The following FSCN1 variants were observed in gnomAD, a reference collection of about 807,000 sequenced individuals.
The protein encoded by FSCN1 is fascin.
Under a neutral mutation model 39.7 loss-of-function variants are expected in FSCN1, and 10 were observed. The observed-to-expected ratio is 0.25, with a 90% confidence interval of 0.16 to 0.43. The LOEUF is 0.43. FSCN1 is among the 20% of genes least tolerant of loss of function. The pLI, the probability that FSCN1 is intolerant of heterozygous loss-of-function variation, is 1.00. For missense variants in FSCN1, 525 were observed against 723.8 expected (o/e 0.73, Z 3.15); for synonymous variants, 322 against 320.0 (o/e 1.01, Z -0.07).
At chr7:5,604,062 G>A in intron 4 of FSCN1, 32 bp downstream of exon 4, 1 of 1,604,080 alleles carries the variant, frequency 6.2e-7, no homozygotes. Flanking sequence ...TGCTGGGCAG[G>A]GAACCCCTCG....
chr7:5,604,935 C>A (rs1302910392), intron 4 of FSCN1, among the ~76,000 whole-genome samples: 1 of 151,850 alleles, frequency 6.6e-6, no homozygotes, highest in Non-Finnish European at 1.5e-5. Flanking sequence ...CCACACCCGG[C>A]TAATTGTTTT....
Position 5,592,910 on chromosome 7 carries a change from CGCA to C in FSCN1, c.-24_-22del. ...ACCCGCCACCCACCTCCCGGGGCCG[CGCA>C]GCGGCCTCTCGTCTACTGCCACCAT... On this transcript the variant is annotated 5_prime_UTR_variant, in exon 1 of 5. Coordinates refer to ENST00000382361, the MANE Select transcript of FSCN1 (RefSeq NM_003088.4). This position sits in a 1 kb window ranked among gnomAD's most constrained non-coding sequence, Gnocchi z 5.3. 1 of 1,405,934 alleles carries C rather than the reference CGCA, an allele frequency of 7.1e-7. No homozygotes were observed. Among genetic ancestry groups the C allele is most frequent in the Non-Finnish European group, 9.5e-7 (1 of 1,057,732 alleles). 87.1% of individuals were successfully genotyped at this position (1,405,934 alleles called of 1,614,324 possible).
chr7:5,597,204 C>T (rs1156614705), intron 1 of FSCN1, among the ~76,000 whole-genome samples: 2 of 152,098 alleles, frequency 1.3e-5, no homozygotes, highest in Non-Finnish European at 2.9e-5. Context: ...CCTCTGTCTA[C>T]AAAAAATACA....
At position 5,603,219 on chromosome 7, in the gene FSCN1, TG is replaced by T. The variant is rs765494594; in HGVS notation, c.833-34del. 3.7e-6 allele frequency: 6 copies of T among 1,608,638 alleles called. No homozygotes were observed. Among genetic ancestry groups the T allele is most frequent in the Admixed American group, 1.7e-5 (1 of 59,930 alleles). ...TATGGTCTGCCAGAACTAGGGGGCG[TG>T]GGGCCCCAGTACCAGCCCAAGGCCT... On this transcript the variant is annotated intron_variant, in intron 1 of 4. Transcript: ENST00000382361. This position sits in a 1 kb window ranked among gnomAD's most constrained non-coding sequence, Gnocchi z 8.5.
chr7:5,605,479 G>C lies in FSCN1; in HGVS notation c.*5G>C. ...GCCTCGCTCTGGGAGTACTAGGGCC[G>C]GCCCGTCCTTCCCCGCCCCTGCCCA... On this transcript the variant is annotated 3_prime_UTR_variant, in exon 5 of 5. Transcript: ENST00000382361. The surrounding 1 kb of genome is among the most constrained non-coding windows in gnomAD (Gnocchi z 6.9). The C allele has an allele frequency of 6.5e-7, 1 of 1,548,014 alleles. No individual in the cohort carries two copies. The highest frequency in any genetic ancestry group is 8.7e-7 in the Non-Finnish European group (1 of 1,144,100).
chr7:5,595,918 G>A (rs1424535095), intron 1 of FSCN1, among the ~76,000 whole-genome samples: 1 of 152,128 alleles, frequency 6.6e-6, no homozygotes, highest in Admixed American at 6.5e-5. Context: ...GAAGCTTGCT[G>A]GGGGCGTCTG....
rs1785781217 is a variant in FSCN1, at chr7:5,599,087, T to C, written c.833-4170T>C. ...GTGAGCAGAGGCCCCAGCCCTCGTG[T>C]TCCCTGGGGTGTGGCCTTAGGATGG... On this transcript the variant is annotated intron_variant, in intron 1 of 4. Transcript: ENST00000382361. This position sits in a 1 kb window ranked among gnomAD's most constrained non-coding sequence, Gnocchi z 5.6. Among the ~76,000 whole-genome samples, 1 of 148,718 alleles carries C rather than the reference T, an allele frequency of 6.7e-6. No individual in the cohort carries two copies. The highest frequency in any genetic ancestry group is 1.5e-5 in the Non-Finnish European group (1 of 67,104).
At chr7:5,598,589 G>A (rs902254113) in intron 1 of FSCN1, among the ~76,000 whole-genome samples, 2 of 152,224 alleles carry the variant, frequency 1.3e-5, no homozygotes, top group Non-Finnish European at 2.9e-5. Context: ...GCTGTGTGAG[G>A]ACGAGCCCTG....
intron 1 of FSCN1, among the ~76,000 whole-genome samples, chr7:5,601,197 C>CTTTTTTTTTT (rs534109521): frequency 8.7e-6 from 1 of 115,554 alleles, no homozygotes; most frequent in African/African-American, 3.4e-5. Flanking sequence ...TTCTTTCTTC[C>CTTTTTTTTTT]TTTTTTTTTT....
At chr7:5,597,392 G>T (rs542784432) in intron 1 of FSCN1, among the ~76,000 whole-genome samples, 5 of 149,356 alleles carry the variant, frequency 3.3e-5, no homozygotes, top group African/African-American at 1.2e-4. Flanking sequence ...TTGGCCTGGT[G>T]CGGTGGCTCA....
intron 1 of FSCN1, among the ~76,000 whole-genome samples, chr7:5,595,086 C>A (rs1304993238): frequency 6.6e-6 from 1 of 152,206 alleles, no homozygotes; most frequent in Non-Finnish European, 1.5e-5. Context: ...GAAGTCGGAC[C>A]CCAGGCCTTG....
Position 5,599,812 on chromosome 7 carries a change from A to C in FSCN1, c.833-3445A>C, listed in dbSNP as rs756560504. ...ACAGAGCAAGACCCTATCTCTAAAA[A>C]AAAAATGGAATTGAGGATGTGTCCT... is the stretch of plus-strand genomic sequence containing the variant. On this transcript the variant is annotated intron_variant, in intron 1 of 4. Coordinates refer to ENST00000382361, the MANE Select transcript of FSCN1 (RefSeq NM_003088.4). This position sits in a 1 kb window ranked among gnomAD's most constrained non-coding sequence, Gnocchi z 5.6. 3.4e-4 allele frequency among the ~76,000 whole-genome samples: 52 copies of C among 152,026 alleles called. No homozygotes were observed. Among genetic ancestry groups the C allele is most frequent in the Non-Finnish European group, 7.1e-4 (48 of 68,000 alleles).
rs1785869606 is a variant in FSCN1 at position 5,603,374 on chromosome 7, T to C, written c.950T>C (p.Leu317Pro). 2 of 1,613,714 alleles carry C rather than the reference T, an allele frequency of 1.2e-6. No homozygotes were observed. The highest frequency in any genetic ancestry group is 1.7e-6 in the Non-Finnish European group (2 of 1,180,020). Residue 317 changes from leucine (L) to proline (P), a missense_variant, in exon 2 of 5, where the codon CTG (leucine) becomes CCG (proline). Around this residue, in one of 3 missense-constraint regions of FSCN1, gnomAD observed 275 missense variants for 351.9 expected, o/e 0.78. Coordinates refer to ENST00000382361, the MANE Select transcript of FSCN1 (RefSeq NM_003088.4). This position sits in a 1 kb window ranked among gnomAD's most constrained non-coding sequence, Gnocchi z 8.5. ...ACCCACACGGGCAAGTACTGGACGC[T>C]GACGGCCACCGGGGGCGTGCAGTCC... ...FRTHTGKYWTLTATGGVQSTA... is the reference protein window; with the variant it reads ...FRTHTGKYWTPTATGGVQSTA...
rs1485361865 is a variant in FSCN1, at chr7:5,593,183, G to A, written c.247G>A (p.Glu83Lys). The A allele has an allele frequency of 3.7e-6, 6 of 1,602,378 alleles. No homozygotes were observed. The highest frequency in any genetic ancestry group is 1.1e-5 in the South Asian group (1 of 89,912). The change falls in exon 1 of 5, where the codon GAG (glutamate) becomes AAG (lysine). Residue 83 changes from glutamate (E) to lysine (K), a missense_variant. By Grantham distance (56) the Glu-to-Lys change is moderately conservative (BLOSUM62 1). Coordinates refer to ENST00000382361, the MANE Select transcript of FSCN1 (RefSeq NM_003088.4). ...DKDGNVTCER[E>K]VPGPDCRFLI... ...GGACGGCAACGTGACCTGCGAGCGC[G>A]AGGTGCCCGGTCCCGACTGCCGTTT...
Position 5,603,237 on chromosome 7 carries a change from C to G in FSCN1, c.833-20C>G. On this transcript the variant is annotated intron_variant, in intron 1 of 4. Transcript: ENST00000382361. This position sits in a 1 kb window ranked among gnomAD's most constrained non-coding sequence, Gnocchi z 8.5. Reference sequence around the variant, plus strand: ...GGGGGCGTGGGGCCCCAGTACCAGCCCAAGGCCTCCTCTCTGCAGGTATGG... The same window carrying G: ...GGGGGCGTGGGGCCCCAGTACCAGCGCAAGGCCTCCTCTCTGCAGGTATGG... 1.9e-6 allele frequency: 3 copies of G among 1,611,172 alleles called. No homozygotes were observed. The highest frequency in any genetic ancestry group is 2.5e-6 in the Non-Finnish European group (3 of 1,179,768).
In FSCN1 at chr7:5,603,385, G is replaced by A. The variant is rs1215497220; in HGVS notation, c.961G>A (p.Gly321Arg). The A allele has an allele frequency of 3.7e-6, 6 of 1,613,504 alleles. No homozygotes were observed. The highest frequency in any genetic ancestry group is 4.2e-6 in the Non-Finnish European group (5 of 1,179,998). Residue 321 changes from glycine (G) to arginine (R), a missense_variant, in exon 2 of 5, where the codon GGG (glycine) becomes AGG (arginine). Gly to Arg is a moderately radical substitution (Grantham distance 125, BLOSUM62 -2). Coordinates refer to ENST00000382361, the MANE Select transcript of FSCN1 (RefSeq NM_003088.4). The surrounding 1 kb of genome is among the most constrained non-coding windows in gnomAD (Gnocchi z 8.5). Reference protein sequence around the residue: ...TGKYWTLTATGGVQSTASSKN... With the variant: ...TGKYWTLTATRGVQSTASSKN... The stretch of plus-strand genomic sequence containing the variant: ...CAAGTACTGGACGCTGACGGCCACC[G>A]GGGGCGTGCAGTCCACCGCCTCCAG...
rs995551633 is a variant in FSCN1 at position 5,606,269 on chromosome 7, G to C, written c.*795G>C. The stretch of plus-strand genomic sequence containing the variant: ...AAATATTATTGCTGGAGGCGTCCCA[G>C]GCAAGCCTGGCTGTAGTAGCGAGTG... On this transcript the variant is annotated 3_prime_UTR_variant, in exon 5 of 5. Coordinates refer to ENST00000382361, the MANE Select transcript of FSCN1 (RefSeq NM_003088.4). This position sits in a 1 kb window ranked among gnomAD's most constrained non-coding sequence, Gnocchi z 5.1. The C allele has an allele frequency of 6.6e-6, 1 of 152,188 alleles. No homozygotes were observed. 9.4% of individuals were successfully genotyped at this position (152,188 alleles called of 1,614,324 possible). A position where few individuals can be genotyped will look rare whatever the true frequency, so the allele number is the denominator to read the frequency against.
chr7:5,605,780 G>A lies in FSCN1; in HGVS notation c.*306G>A, dbSNP rs1309238630. On this transcript the variant is annotated 3_prime_UTR_variant, in exon 5 of 5. Transcript: ENST00000382361. This position sits in a 1 kb window ranked among gnomAD's most constrained non-coding sequence, Gnocchi z 6.9. ...GCACCTCTTTCTTCTGACCTCAGACGGCTCTGAGCCTTATTTCTCTGGAAG... is the reference window on the plus strand; with the variant it reads ...GCACCTCTTTCTTCTGACCTCAGACAGCTCTGAGCCTTATTTCTCTGGAAG... 1.5e-5 allele frequency: 5 copies of A among 323,358 alleles called. No individual in the cohort carries two copies. Among genetic ancestry groups the A allele is most frequent in the Non-Finnish European group, 2.3e-5 (4 of 174,636 alleles). 20.0% of individuals were successfully genotyped at this position (323,358 alleles called of 1,614,324 possible). A position where few individuals can be genotyped will look rare whatever the true frequency, so the allele number is the denominator to read the frequency against.
In FSCN1 at chr7:5,594,368, G is replaced by C. The variant is rs190258357; in HGVS notation, c.832+600G>C. ...GGGGTCGGCCTCCGCTGGTGGGGGG[G>C]GGCGCGGGGTGTCAGCCCTTCCCCC... is the stretch of plus-strand genomic sequence containing the variant. On this transcript the variant is annotated intron_variant, in intron 1 of 4. Coordinates refer to ENST00000382361, the MANE Select transcript of FSCN1 (RefSeq NM_003088.4). Among the ~76,000 whole-genome samples, 6 of 152,078 alleles carry C rather than the reference G, an allele frequency of 3.9e-5. No homozygotes were observed. The East Asian group carries it at 7.8e-4, about 20-fold the overall frequency.
Sources: allele counts gnomAD v4.1 joint callset (sites outside exome capture counted in the v4.1 genomes callset), GRCh38; gene constraint gnomAD v4.1.1; regional missense constraint gnomAD v4.1.1; non-coding constraint Gnocchi (gnomAD v3.1); transcripts MANE v1.5; gene names NCBI Gene and HGNC (gene_info 2026-07-23, HGNC 2026-07-21).